Variants in EMB observed in about 807,000 individuals in gnomAD.
EMB encodes the protein embigin homolog.
A neutral mutation model predicts 41.4 loss-of-function variants in EMB; 31 were observed. That is an observed-to-expected ratio of 0.75 (90% confidence interval 0.56 to 1.01). The LOEUF is 1.01. Among genes scored for constraint, EMB ranks in the 50% least tolerant of loss-of-function variants. The probability of loss-of-function intolerance (pLI) is 0.00; values close to 1 mark genes in which losing one functional copy is unlikely to be tolerated. For missense variants in EMB, 379 were observed against 388.3 expected (o/e 0.98, Z 0.20); for synonymous variants, 137 against 140.4 (o/e 0.98, Z 0.17).
At chr5:50,415,311 C>A (rs1408260281) in intron 2 of EMB, among the ~76,000 whole-genome samples, 1 of 152,044 alleles carries the variant, frequency 6.6e-6, no homozygotes, top group African/African-American at 2.4e-5. Context: ...GCAATTTAAG[C>A]AAAACTCAAA....
intron 2 of EMB, among the ~76,000 whole-genome samples, chr5:50,414,457 T>A (rs1354161221): frequency 7.2e-6 from 1 of 139,398 alleles, no homozygotes; most frequent in East Asian, 2.1e-4. Flanking sequence ...GCCCGAGAGT[T>A]GAGGCTGCAG....
At chr5:50,434,687 T>C (rs1188433882) in intron 1 of EMB, among the ~76,000 whole-genome samples, 1 of 152,202 alleles carries the variant, frequency 6.6e-6, no homozygotes, top group Non-Finnish European at 1.5e-5. Context: ...GACACATTAG[T>C]ACAATAACCT....
chr5:50,414,215 A>G (rs575664842), intron 2 of EMB, among the ~76,000 whole-genome samples: 32 of 152,190 alleles, frequency 2.1e-4, no homozygotes, highest in Non-Finnish European at 4.6e-4. Flanking sequence ...AAATGTAGAA[A>G]GAAAAATAAT....
intron 4 of EMB, among the ~76,000 whole-genome samples, 164 bp downstream of exon 4, chr5:50,410,713 A>C (rs965613967): frequency 1.3e-5 from 2 of 152,152 alleles, no homozygotes; most frequent in African/African-American, 4.8e-5. Context: ...TGGGGGATAC[A>C]AGACCATTTT....
intron 1 of EMB, among the ~76,000 whole-genome samples, chr5:50,439,942 A>G (rs757122645): frequency 6.6e-6 from 1 of 152,180 alleles, no homozygotes; most frequent in Non-Finnish European, 1.5e-5. Flanking sequence ...TGACACAGAA[A>G]CTTGCAATAG....
chr5:50,436,170 T>C (rs1483430036), intron 1 of EMB, among the ~76,000 whole-genome samples: 4 of 152,182 alleles, frequency 2.6e-5, no homozygotes, highest in African/African-American at 4.8e-5. Flanking sequence ...ATGTATATCA[T>C]ATACACTTAT....
At chr5:50,403,751 A>G (rs944233205) in intron 5 of EMB, among the ~76,000 whole-genome samples, 2 of 151,966 alleles carry the variant, frequency 1.3e-5, no homozygotes, top group African/African-American at 4.8e-5. Flanking sequence ...TTAAAAACAG[A>G]AAAATCCCAA....
chr5:50,423,463 C>G (rs1319429297), intron 2 of EMB, among the ~76,000 whole-genome samples: 2 of 152,274 alleles, frequency 1.3e-5, no homozygotes, highest in Admixed American at 1.3e-4. Context: ...TATTCATTCT[C>G]ATGTTTTTGA....
chr5:50,403,789 G>T (rs946099239), intron 5 of EMB, among the ~76,000 whole-genome samples: 1 of 151,876 alleles, frequency 6.6e-6, no homozygotes, highest in Non-Finnish European at 1.5e-5. Context: ...TCCTATCCTT[G>T]CCTAGTGCTT....
At chr5:50,413,647 C>A (rs992575246) in intron 2 of EMB, among the ~76,000 whole-genome samples, 1 of 150,910 alleles carries the variant, frequency 6.6e-6, no homozygotes, top group Non-Finnish European at 1.5e-5. Context: ...GTCGTCTCAG[C>A]TCACTGCAAC....
chr5:50,423,704 GTTAT>G (rs1405316073), intron 2 of EMB, among the ~76,000 whole-genome samples: 1 of 152,080 alleles, frequency 6.6e-6, no homozygotes, highest in Non-Finnish European at 1.5e-5. Flanking sequence ...TCATTTTTGT[GTTAT>G]TTCTCAGCTC....
chr5:50,442,576 C>A (rs760870552), upstream of EMB, among the ~76,000 whole-genome samples: 3 of 152,098 alleles, frequency 2.0e-5, no homozygotes, highest in Non-Finnish European at 2.9e-5. Context: ...TCAGAAAAGC[C>A]TCTTCTCAGA....
intron 1 of EMB, among the ~76,000 whole-genome samples, chr5:50,435,453 C>T (rs1745788739): frequency 6.6e-6 from 1 of 152,190 alleles, no homozygotes; most frequent in African/African-American, 2.4e-5. Flanking sequence ...AATGTGGCTT[C>T]ACTCTGGACC....
chr5:50,409,485 T>C (rs1216922770), intron 4 of EMB, among the ~76,000 whole-genome samples: 1 of 152,076 alleles, frequency 6.6e-6, no homozygotes, highest in Non-Finnish European at 1.5e-5. Context: ...CTTCTTTACA[T>C]ATTTTTTAAA....
intron 2 of EMB, among the ~76,000 whole-genome samples, chr5:50,419,249 C>T (rs904715418): frequency 6.6e-6 from 1 of 152,090 alleles, no homozygotes; most frequent in Admixed American, 6.6e-5. Context: ...ATTTACAAAT[C>T]AAAATCATCT....
chr5:50,415,443 T>C (rs1745413453), intron 2 of EMB, among the ~76,000 whole-genome samples: 2 of 152,196 alleles, frequency 1.3e-5, no homozygotes, highest in Non-Finnish European at 1.5e-5. Flanking sequence ...AAAAGTTCTA[T>C]CATAAGAAAC....
intron 2 of EMB, among the ~76,000 whole-genome samples, chr5:50,417,653 C>G (rs541200658): frequency 6.6e-6 from 1 of 152,240 alleles, no homozygotes; most frequent in African/African-American, 2.4e-5. Context: ...CCTTGATATA[C>G]TTTTTTATAT....
rs549970108 is a variant in EMB, at chr5:50,411,001, T to C, written c.384-36A>G. 41 of 1,450,806 alleles carry C rather than the reference T, an allele frequency of 2.8e-5. No homozygotes were observed. In the East Asian group the frequency reaches 9.3e-4, roughly 33 times the overall value. 89.9% of individuals were successfully genotyped at this position (1,450,806 alleles called of 1,614,324 possible). The stretch of plus-strand genomic sequence containing the variant: ...TTCAAGTTATTAATATAGGCTTAGT[T>C]CTCAAAACCTTAATGAAAATGAAAA... On this transcript the variant is annotated intron_variant, in intron 3 of 8. Coordinates refer to ENST00000303221, the MANE Select transcript of EMB (RefSeq NM_198449.3).
At chr5:50,433,712 T>C (rs1258712402) in intron 1 of EMB, among the ~76,000 whole-genome samples, 1 of 152,184 alleles carries the variant, frequency 6.6e-6, no homozygotes, top group East Asian at 1.9e-4. Flanking sequence ...CATAACAAAT[T>C]ACCACAAATT....
Sources: allele counts gnomAD v4.1 joint callset (sites outside exome capture counted in the v4.1 genomes callset), GRCh38; gene constraint gnomAD v4.1.1; transcripts MANE v1.5; gene names NCBI Gene and HGNC (gene_info 2026-07-23, HGNC 2026-07-21).